PDIA4: variants seen among roughly 807,000 people sequenced by gnomAD.
PDIA4 encodes protein disulfide isomerase family A member 4.
A neutral mutation model predicts 62.1 loss-of-function variants in PDIA4; 33 were observed. The observed-to-expected ratio is 0.53, with a 90% confidence interval of 0.40 to 0.71. The LOEUF (loss-of-function observed/expected upper bound fraction) is 0.71, where lower values mean the gene tolerates loss of function less well. Among genes scored for constraint, PDIA4 ranks in the 30% least tolerant of loss-of-function variants. The pLI, the probability that PDIA4 is intolerant of heterozygous loss-of-function variation, is 0.00. For synonymous variants in PDIA4, 341 were observed against 324.1 expected, an observed-to-expected ratio of 1.05 and a Z score of -0.56; for missense variants, 804 against 813.6, an observed-to-expected ratio of 0.99 and a Z score of 0.14.
At chr7:149,024,471 C>T (rs1166279802) in intron 1 of PDIA4, among the ~76,000 whole-genome samples, 6 of 152,064 alleles carry the variant, frequency 3.9e-5, no homozygotes, top group African/African-American at 1.4e-4. Flanking sequence ...AGTGGGGGAA[C>T]ACTTTTCACT....
At position 149,011,955 on chromosome 7, in the gene PDIA4, A is replaced by C; in HGVS notation, c.870T>G (p.Ile290Met). 2 of 1,609,778 alleles carry C rather than the reference A, an allele frequency of 1.2e-6. No homozygotes were observed. The highest frequency in any genetic ancestry group is 1.7e-6 in the Non-Finnish European group (2 of 1,177,600). Residue 290 changes from isoleucine (I) to methionine (M), a missense_variant, in exon 6 of 10, where the codon ATT becomes ATG. Ile to Met is a conservative substitution (Grantham distance 10, BLOSUM62 1). Transcript: ENST00000652332. ...IEQSGPPSKE[I>M]LTLKQVQEFL... is the part of the protein sequence containing the mutation. ...ACTCCTGGACCTGCTTCAGGGTCAG[A>C]ATCTCCTTGGAGGGAGGCCCGGACT... is the stretch of plus-strand genomic sequence containing the variant.
chr7:149,006,712 G>A (rs1000064292), intron 7 of PDIA4, among the ~76,000 whole-genome samples: 16 of 152,360 alleles, frequency 1.1e-4, no homozygotes, highest in African/African-American at 3.4e-4. Flanking sequence ...AGGATCTGGC[G>A]TGACAGCACT....
At chr7:149,004,257 A>G (rs1290449798) in intron 9 of PDIA4, 48 bp from the exon 10 acceptor site, 4 of 1,557,212 alleles carry the variant, frequency 2.6e-6, no homozygotes, top group African/African-American at 2.7e-5. Context: ...TGCAAAGGCC[A>G]AAGATTCTGG....
intron 1 of PDIA4, among the ~76,000 whole-genome samples, chr7:149,027,524 C>A (rs1370056981): frequency 6.6e-6 from 1 of 152,222 alleles, no homozygotes; most frequent in African/African-American, 2.4e-5. Context: ...AAGGTAAAGA[C>A]CAGTACCTGG....
At position 149,004,015 on chromosome 7, in the gene PDIA4, T is replaced by G. The variant is rs1159258321; in HGVS notation, c.1717A>C (p.Lys573Gln). ...GCGATGACCAGGCCCTTTTGGCCCT[T>G]GTACTTCTTGGCCAGGCTGTTGTAC... ...PVYNSLAKKYKGQKGLVIAKM... is the reference protein window; with the variant it reads ...PVYNSLAKKYQGQKGLVIAKM... The change falls in exon 10 of 10, where the codon AAG becomes CAG. Residue 573 changes from lysine to glutamine, a missense_variant. Coordinates refer to ENST00000652332, the MANE Select transcript of PDIA4 (RefSeq NM_004911.5). The G allele has an allele frequency of 2.5e-6, 4 of 1,614,110 alleles. No homozygotes were observed. The East Asian group carries it at 6.7e-5, about 27-fold the overall frequency.
Position 149,005,943 on chromosome 7 carries a change from C to A in PDIA4, c.1242G>T (p.Leu414=), listed in dbSNP as rs1487031349. 2 of 1,532,058 alleles carry A rather than the reference C, an allele frequency of 1.3e-6. No individual in the cohort carries two copies. Among genetic ancestry groups the A allele is most frequent in the Middle Eastern group, 1.7e-4 (1 of 5,830 alleles). 94.9% of individuals were successfully genotyped at this position (1,532,058 alleles called of 1,614,324 possible). The change falls in exon 8 of 10, where the codon CTG becomes CTT. Residue 414 remains leucine, a synonymous_variant. Transcript: ENST00000652332. The part of the protein sequence containing the change: ...NDAKRYTRRP[L]VVVYYSVDFS... ...AGTCCACACTGTAGTAGACGACCAC[C>A]AGGGGGCGCCTGGTGTAGCGCTTAG...
intron 2 of PDIA4, 28 bp from the exon 3 acceptor site, chr7:149,019,225 A>C: frequency 1.3e-6 from 2 of 1,492,946 alleles, no homozygotes; most frequent in Non-Finnish European, 1.9e-6. Flanking sequence ...AAGGGCAAAA[A>C]ACGTTAACTG....
intron 6 of PDIA4, among the ~76,000 whole-genome samples, chr7:149,009,664 A>T (rs1002301439): frequency 6.6e-6 from 1 of 152,230 alleles, no homozygotes; most frequent in Non-Finnish European, 1.5e-5. Context: ...CTAGAGAGTG[A>T]GTAGTTAAGG....
chr7:149,019,165 T>C lies in PDIA4; in HGVS notation c.302A>G (p.Tyr101Cys), dbSNP rs1325676623. Residue 101 changes from tyrosine to cysteine, a missense_variant, in exon 3 of 10, where the codon TAT becomes TGT. Transcript: ENST00000652332. ...CGHCKQFAPE[Y>C]EKIANILKDK... ...CTTTAATATGTTGGCAATTTTTTCATATTCCGGAGCAAACTGCTTGCAATG... is the reference window on the plus strand; with the variant it reads ...CTTTAATATGTTGGCAATTTTTTCACATTCCGGAGCAAACTGCTTGCAATG... 8 of 1,613,828 alleles carry C rather than the reference T, an allele frequency of 5.0e-6. No homozygotes were observed. The highest frequency in any genetic ancestry group is 3.3e-5 in the South Asian group (3 of 91,078).
chr7:149,008,007 C>T (rs1474772892), intron 7 of PDIA4, 152 bp downstream of exon 7: 9 of 711,640 alleles, frequency 1.3e-5, no homozygotes, highest in African/African-American at 5.5e-5. Context: ...CTGCAGAAAA[C>T]CTGTGGGGTG....
intron 8 of PDIA4, 135 bp downstream of exon 8, chr7:149,005,762 G>A (rs896687148): frequency 2.1e-5 from 14 of 661,100 alleles, no homozygotes; most frequent in South Asian, 4.6e-5. Flanking sequence ...AGCCACCAAC[G>A]TGCAAGGGCC....
intron 1 of PDIA4, among the ~76,000 whole-genome samples, chr7:149,025,070 C>CAAAAAAAAA (rs1184341612): frequency 1.4e-5 from 1 of 70,246 alleles, no homozygotes; most frequent in African/African-American, 4.7e-5. Flanking sequence ...AACTCCATCT[C>CAAAAAAAAA]AAAAAAAAAA....
In PDIA4 at chr7:149,019,065, CACATCAA is replaced by C. The variant is rs1418765101; in HGVS notation, c.395_401del (p.Phe132Ter). ...GGATCTTGATGGTGGGGTAGCCACT[CACATCAA>C]ACCTGCTGGCCAGCACAGACGCTGA... On this transcript the variant is annotated frameshift_variant, in exon 3 of 10. Transcript: ENST00000652332. LOFTEE classifies it high-confidence loss of function. The C allele has an allele frequency of 6.2e-7, 1 of 1,613,616 alleles. No individual in the cohort carries two copies. Among genetic ancestry groups the C allele is most frequent in the Non-Finnish European group, 8.5e-7 (1 of 1,179,940 alleles).
chr7:149,022,052 C>T (rs1458928156), intron 1 of PDIA4, among the ~76,000 whole-genome samples: 1 of 152,190 alleles, frequency 6.6e-6, no homozygotes, highest in East Asian at 1.9e-4. Flanking sequence ...AAATTATCTG[C>T]CTGGCCCCAA....
chr7:149,008,183 G>A lies in PDIA4; in HGVS notation c.1107C>T (p.Pro369=). ...CCTGGACGTCCATCATGTGGCTCCGGGGCTCATACTTGGACTGGAATTTCT... is the reference window on the plus strand; with the variant it reads ...CCTGGACGTCCATCATGTGGCTCCGAGGCTCATACTTGGACTGGAATTTCT... The part of the protein sequence containing the change: ...QPEKFQSKYE[P]RSHMMDVQGS... The change falls in exon 7 of 10, where the codon CCC becomes CCT. Residue 369 remains proline (P), a synonymous_variant. Transcript: ENST00000652332. 6.2e-7 allele frequency: 1 copy of A among 1,614,022 alleles called. No homozygotes were observed. Among genetic ancestry groups the A allele is most frequent in the Non-Finnish European group, 8.5e-7 (1 of 1,179,976 alleles).
chr7:149,020,697 G>A (rs937061579), intron 2 of PDIA4, among the ~76,000 whole-genome samples: 7 of 152,118 alleles, frequency 4.6e-5, no homozygotes, highest in East Asian at 3.9e-4. Context: ...TTAAATGCCC[G>A]TCCCCCAGCT....
At chr7:149,016,225 G>A (rs976254971) in intron 3 of PDIA4, among the ~76,000 whole-genome samples, 3 of 152,222 alleles carry the variant, frequency 2.0e-5, no homozygotes, top group African/African-American at 4.8e-5. Context: ...GAACCCCGGA[G>A]GTGGAGGCTG....
At position 149,008,325 on chromosome 7, in the gene PDIA4, G is replaced by T. The variant is rs181105282; in HGVS notation, c.980-15C>A. The T allele has an allele frequency of 1.7e-4, 267 of 1,601,972 alleles. No individual in the cohort carries two copies. In the African/African-American group the frequency reaches 3.2e-3, roughly 19 times the overall value. On this transcript the variant is annotated splice_polypyrimidine_tract_variant and intron_variant, in intron 6 of 9. Transcript: ENST00000652332. ...CAGGTTGTTAGCTGAAACGTTAACA[G>T]AATAAGATGTAATTTTGAAAATTGC...
intron 7 of PDIA4, among the ~76,000 whole-genome samples, chr7:149,006,549 T>G (rs983453442): frequency 1.3e-5 from 2 of 152,054 alleles, no homozygotes; most frequent in Non-Finnish European, 2.9e-5. Flanking sequence ...AAGTGGTGGG[T>G]GGGCCTGTGA....
Sources: gnomAD v4.1 joint callset for allele counts (sites outside exome capture counted in the v4.1 genomes callset) on GRCh38, gnomAD v4.1.1 for gene constraint, MANE v1.5 for transcripts, NCBI Gene and HGNC (gene_info 2026-07-23, HGNC 2026-07-21) for gene names.